The following MPPED1 variants were observed in gnomAD, a reference collection of about 807,000 sequenced individuals.
The protein encoded by MPPED1 is metallophosphoesterase domain containing 1, also known as metallophosphoesterase domain-containing protein 1.
Under a neutral mutation model 36.2 loss-of-function variants are expected in MPPED1, and 16 were observed. The ratio of observed to expected loss-of-function variants is 0.44; its 90% CI spans 0.30 to 0.67. The LOEUF is 0.67. MPPED1 is among the 30% of genes least tolerant of loss of function. MPPED1 has a pLI of 0.10. For missense variants in MPPED1, 307 were observed against 453.4 expected, an observed-to-expected ratio of 0.68 and a Z score of 2.93; for synonymous variants, 199 against 191.3, an observed-to-expected ratio of 1.04 and a Z score of -0.33.
chr22:43,426,289 C>G (rs1018592233), intron 2 of MPPED1, among the ~76,000 whole-genome samples: 2 of 152,084 alleles, frequency 1.3e-5, no homozygotes, highest in East Asian at 3.9e-4. Flanking sequence ...CCATTGTCCC[C>G]TTGGCTGTTG....
At chr22:43,434,907 C>G in intron 2 of MPPED1, 127 bp from the exon 3 acceptor site, 2 of 1,034,404 alleles carry the variant, frequency 1.9e-6, no homozygotes, top group Non-Finnish European at 2.8e-6. Flanking sequence ...GGCGTCCAGT[C>G]CCTGGTCTGG....
At position 43,449,422 on chromosome 22, in the gene MPPED1, A is replaced by ACC. The variant is rs135045; in HGVS notation, c.406+14214_406+14215dup. ...ATCTTCAGCACCACGGACAGTGCCAACCCCCCCCGCCCCCCCTCCAAGTAG... is the reference window on the plus strand; with the variant it reads ...ATCTTCAGCACCACGGACAGTGCCAACCCCCCCCCCGCCCCCCCTCCAAGTAG... On this transcript the variant is annotated intron_variant, in intron 3 of 6. Coordinates refer to ENST00000443721, the MANE Select transcript of MPPED1 (RefSeq NM_001044370.2). Among the ~76,000 whole-genome samples, 481 of 127,398 alleles carry ACC rather than the reference A, an allele frequency of 3.8e-3. 4 individuals carry two copies. The highest frequency in any genetic ancestry group is 6.0e-3 in the East Asian group (24 of 4,016). 83.6% of individuals were successfully genotyped at this position (127,398 alleles called of 152,430 possible).
intron 3 of MPPED1, among the ~76,000 whole-genome samples, chr22:43,444,872 G>A (rs1205682893): frequency 6.6e-6 from 1 of 152,158 alleles, no homozygotes; most frequent in East Asian, 1.9e-4. Context: ...TTGTGTCAAA[G>A]AGTTGGAGAT....
At chr22:43,414,401 A>G (rs565273005) in intron 1 of MPPED1, among the ~76,000 whole-genome samples, 10 of 152,194 alleles carry the variant, frequency 6.6e-5, no homozygotes, top group African/African-American at 2.4e-4. Flanking sequence ...TAAGGAGAAA[A>G]ATCAGCATTC....
At chr22:43,475,013 C>T (rs1931499248) in intron 4 of MPPED1, 52 bp downstream of exon 4, 1 of 1,555,416 alleles carries the variant, frequency 6.4e-7, no homozygotes, top group South Asian at 1.1e-5. Flanking sequence ...AGAGCTGAGG[C>T]TGAGCGCAGG....
At chr22:43,442,370 G>A (rs1306326189) in intron 3 of MPPED1, among the ~76,000 whole-genome samples, 3 of 151,686 alleles carry the variant, frequency 2.0e-5, no homozygotes, top group East Asian at 3.9e-4. Context: ...GGTGCACCTC[G>A]CTCTTCCTCC....
chr22:43,452,551 G>A (rs949197649), intron 3 of MPPED1, among the ~76,000 whole-genome samples: 1 of 152,164 alleles, frequency 6.6e-6, no homozygotes. Flanking sequence ...ATAAACAGAG[G>A]GGGGAAGATG....
intron 3 of MPPED1, among the ~76,000 whole-genome samples, chr22:43,453,366 CA>C (rs1362627644): frequency 6.6e-6 from 1 of 151,548 alleles, no homozygotes; most frequent in Non-Finnish European, 1.5e-5. Context: ...AGCCAGAAGA[CA>C]CCTTTTACTC....
chr22:43,422,883 C>G (rs1377078832), intron 1 of MPPED1, among the ~76,000 whole-genome samples: 1 of 152,162 alleles, frequency 6.6e-6, no homozygotes, highest in East Asian at 1.9e-4. Flanking sequence ...AGTCTCAAGG[C>G]TGGAGTGCAG....
At chr22:43,500,304 A>ATGGTGGTGG (rs1715677993) in intron 5 of MPPED1, among the ~76,000 whole-genome samples, 2 of 12,342 alleles carry the variant, frequency 1.6e-4, no homozygotes, top group African/African-American at 2.5e-4. Context: ...GGTGGTGGTG[A>ATGGTGGTGG]TGGTGATGGA....
At chr22:43,415,551 A>C (rs569731760) in intron 1 of MPPED1, among the ~76,000 whole-genome samples, 1 of 152,322 alleles carries the variant, frequency 6.6e-6, no homozygotes, top group African/African-American at 2.4e-5. Flanking sequence ...TCAAATTGTG[A>C]TTTGAGGTGT....
intron 5 of MPPED1, among the ~76,000 whole-genome samples, chr22:43,499,626 A>G (rs909669921): frequency 0.044 from 229 of 5,254 alleles, 12 homozygotes; most frequent in African/African-American, 0.076. Context: ...GGTGGTGGTG[A>G]TGATGGTGGA....
intron 3 of MPPED1, among the ~76,000 whole-genome samples, chr22:43,458,720 C>T (rs1930841211): frequency 6.6e-6 from 1 of 152,206 alleles, no homozygotes. Flanking sequence ...TAGAGAGTGT[C>T]TGCTAGTGAC....
At chr22:43,488,333 C>T (rs1404935258) in intron 4 of MPPED1, among the ~76,000 whole-genome samples, 1 of 152,180 alleles carries the variant, frequency 6.6e-6, no homozygotes, top group Non-Finnish European at 1.5e-5. Context: ...CCTGGGGACA[C>T]GACCTACCCA....
At chr22:43,440,985 G>C (rs1470741236) in intron 3 of MPPED1, among the ~76,000 whole-genome samples, 1 of 151,960 alleles carries the variant, frequency 6.6e-6, no homozygotes, top group Non-Finnish European at 1.5e-5. Flanking sequence ...TCCATCCTTA[G>C]GCCTCTCACC....
intron 3 of MPPED1, among the ~76,000 whole-genome samples, chr22:43,447,763 C>A (rs973797172): frequency 1.4e-5 from 2 of 147,000 alleles, no homozygotes; most frequent in African/African-American, 5.0e-5. Context: ...GGGTATGCCC[C>A]TTCTCTGTTC....
chr22:43,419,619 G>C (rs1569062443), intron 1 of MPPED1, among the ~76,000 whole-genome samples: 1 of 152,104 alleles, frequency 6.6e-6, no homozygotes, highest in Non-Finnish European at 1.5e-5. Context: ...GAGGGTGCTG[G>C]GTGTGCCAGA....
intron 3 of MPPED1, among the ~76,000 whole-genome samples, chr22:43,457,175 G>A (rs1930783951): frequency 6.6e-6 from 1 of 152,204 alleles, no homozygotes. Flanking sequence ...AGTTTGTCAA[G>A]GACTGGTGTT....
chr22:43,476,642 G>A (rs973742258), intron 4 of MPPED1, among the ~76,000 whole-genome samples: 1 of 152,142 alleles, frequency 6.6e-6, no homozygotes, highest in African/African-American at 2.4e-5. Flanking sequence ...TGGAGCAGAG[G>A]GGAAGGTGGG....
Sources: gnomAD v4.1 joint callset for allele counts (sites outside exome capture counted in the v4.1 genomes callset) on GRCh38, gnomAD v4.1.1 for gene constraint, MANE v1.5 for transcripts, NCBI Gene and HGNC (gene_info 2026-07-23, HGNC 2026-07-21) for gene names.